CFAP299: variants seen among roughly 807,000 people sequenced by gnomAD.
CFAP299 encodes the protein cilia and flagella associated protein 299, also known as cilia- and flagella-associated protein 299.
CFAP299 carries 21 observed loss-of-function variants against 27.0 expected under a neutral mutation model. The observed-to-expected ratio is 0.78, with a 90% CI of 0.55 to 1.12. The LOEUF (loss-of-function observed/expected upper bound fraction) is 1.12. Among genes scored for constraint, CFAP299 ranks in the 50% most tolerant of loss-of-function variants. The pLI is 0.00. For missense variants in CFAP299, 310 were observed against 276.6 expected, an observed-to-expected ratio of 1.12 and a Z score of -0.86; for synonymous variants, 104 against 98.1, an observed-to-expected ratio of 1.06 and a Z score of -0.36.
chr4:80,393,687 G>A (rs72860777), intron 2 of CFAP299, among the ~76,000 whole-genome samples: 28,923 of 151,958 alleles, frequency 0.19, 2,906 homozygotes, highest in South Asian at 0.29. Flanking sequence ...TGTGTGGTAG[G>A]CTATACCATC....
chr4:80,458,492 C>A (rs895016879), intron 2 of CFAP299, among the ~76,000 whole-genome samples: 8 of 152,106 alleles, frequency 5.3e-5, no homozygotes, highest in Admixed American at 2.0e-4. Context: ...TTAAAAAAAT[C>A]TCACCAAGGG....
intron 2 of CFAP299, among the ~76,000 whole-genome samples, chr4:80,443,194 C>T (rs1451531617): frequency 3.9e-5 from 6 of 152,270 alleles, no homozygotes; most frequent in South Asian, 2.1e-4. Flanking sequence ...TATGGGCCAG[C>T]GTCATCCTGA....
At chr4:80,962,317 G>C (rs186881130) in intron 5 of CFAP299, among the ~76,000 whole-genome samples, 26 of 152,032 alleles carry the variant, frequency 1.7e-4, no homozygotes, top group Admixed American at 1.3e-3. Flanking sequence ...TCGAAGAGCA[G>C]AACATATCTG....
intron 3 of CFAP299, among the ~76,000 whole-genome samples, chr4:80,811,806 T>A (rs1729167269): frequency 6.6e-6 from 1 of 151,282 alleles, no homozygotes; most frequent in Non-Finnish European, 1.5e-5. Flanking sequence ...GAGACATAAC[T>A]GGACAAAAAA....
At chr4:80,619,608 G>T (rs1190109853) in intron 3 of CFAP299, among the ~76,000 whole-genome samples, 1 of 152,044 alleles carries the variant, frequency 6.6e-6, no homozygotes, top group Non-Finnish European at 1.5e-5. Context: ...CAATACTGTT[G>T]AAGGGCTGAA....
chr4:80,637,381 G>A (rs774200398), intron 3 of CFAP299, among the ~76,000 whole-genome samples: 2 of 152,140 alleles, frequency 1.3e-5, no homozygotes, highest in Non-Finnish European at 2.9e-5. Context: ...GGAAAGAAAT[G>A]GTTGTCAATG....
intron 2 of CFAP299, among the ~76,000 whole-genome samples, chr4:80,478,765 A>T (rs1730408990): frequency 6.6e-6 from 1 of 150,722 alleles, no homozygotes; most frequent in Admixed American, 6.6e-5. Flanking sequence ...TGTGAAAGAC[A>T]TTGTTATAGT....
intron 3 of CFAP299, among the ~76,000 whole-genome samples, chr4:80,765,611 AT>A (rs1192477399): frequency 1.3e-5 from 2 of 151,936 alleles, no homozygotes; most frequent in Admixed American, 6.6e-5. Flanking sequence ...ATAAAAATAA[AT>A]TTTTTTATTT....
intron 4 of CFAP299, among the ~76,000 whole-genome samples, chr4:80,934,500 T>A (rs1477610738): frequency 3.3e-5 from 5 of 152,058 alleles, no homozygotes; most frequent in Non-Finnish European, 4.4e-5. Flanking sequence ...TTTCTTTAAA[T>A]GTTTGGAAGC....
chr4:80,749,277 A>G (rs913843869), intron 3 of CFAP299, among the ~76,000 whole-genome samples: 4 of 152,162 alleles, frequency 2.6e-5, no homozygotes, highest in Non-Finnish European at 4.4e-5. Context: ...TATACCACCT[A>G]ATAGCTGTTC....
intron 2 of CFAP299, among the ~76,000 whole-genome samples, chr4:80,546,962 A>C (rs535451243): frequency 6.6e-6 from 1 of 152,294 alleles, no homozygotes; most frequent in South Asian, 2.1e-4. Context: ...GTCTGGAGCA[A>C]TTTATAGATT....
chr4:80,579,924 G>C (rs1455865690), intron 2 of CFAP299, among the ~76,000 whole-genome samples: 1 of 152,052 alleles, frequency 6.6e-6, no homozygotes, highest in East Asian at 1.9e-4. Flanking sequence ...GACTTTATCT[G>C]TAAAGCTCTA....
intron 2 of CFAP299, among the ~76,000 whole-genome samples, chr4:80,424,673 T>C (rs540961466): frequency 8.1e-4 from 124 of 152,248 alleles, no homozygotes; most frequent in African/African-American, 2.8e-3. Context: ...AAGAACAGCA[T>C]ATAACAATAA....
intron 3 of CFAP299, among the ~76,000 whole-genome samples, chr4:80,596,002 T>A (rs144796823): frequency 1.9e-3 from 289 of 152,260 alleles, no homozygotes; most frequent in Non-Finnish European, 2.9e-3. Flanking sequence ...TGTGAGACTC[T>A]CTTGAATGAA....
At chr4:80,909,583 T>A (rs1009386642) in intron 4 of CFAP299, among the ~76,000 whole-genome samples, 1 of 151,982 alleles carries the variant, frequency 6.6e-6, no homozygotes, top group Non-Finnish European at 1.5e-5. Flanking sequence ...CTTTCTAATA[T>A]TTTCTAAACT....
intron 3 of CFAP299, among the ~76,000 whole-genome samples, chr4:80,796,985 T>A (rs151227589): frequency 2.0e-5 from 3 of 152,122 alleles, no homozygotes; most frequent in Admixed American, 6.5e-5. Flanking sequence ...AGGGACCCAC[T>A]GGACCTACTG....
At chr4:80,422,614 TGTGA>T (rs557894288) in intron 2 of CFAP299, among the ~76,000 whole-genome samples, 44 of 152,330 alleles carry the variant, frequency 2.9e-4, no homozygotes, top group African/African-American at 2.6e-4. Flanking sequence ...GACCAAGCAC[TGTGA>T]GTAAGTATAT....
In CFAP299 at chr4:80,870,368, A is replaced by G; in HGVS notation, c.476+233A>G. ...AGACAAGATAAGTAAATTCCCAGTG[A>G]CATTCCTTTTTAATGATAAGTAGTG... On this transcript the variant is annotated intron_variant, in intron 4 of 5. Coordinates refer to ENST00000358105, the MANE Select transcript of CFAP299 (RefSeq NM_152770.3). 6.8e-6 allele frequency: 8 copies of G among 1,176,108 alleles called. No individual in the cohort carries two copies. In the South Asian group the frequency reaches 1.4e-4, roughly 20 times the overall value. 72.9% of individuals were successfully genotyped at this position (1,176,108 alleles called of 1,614,324 possible).
intron 2 of CFAP299, among the ~76,000 whole-genome samples, chr4:80,397,733 C>T (rs1216048751): frequency 6.6e-6 from 1 of 152,180 alleles, no homozygotes; most frequent in Non-Finnish European, 1.5e-5. Flanking sequence ...CAGTATCATA[C>T]TGAGTGGGCA....
Sources: allele counts gnomAD v4.1 joint callset (sites outside exome capture counted in the v4.1 genomes callset), GRCh38; gene constraint gnomAD v4.1.1; transcripts MANE v1.5; gene names NCBI Gene and HGNC (gene_info 2026-07-23, HGNC 2026-07-21).